Variants in ASAP2 observed in about 807,000 individuals in gnomAD.
The protein encoded by ASAP2 is arf-GAP with SH3 domain, ANK repeat and PH domain-containing protein 2.
In ASAP2, 45 loss-of-function variants were observed where a neutral mutation model predicts 131.4. The observed-to-expected ratio is 0.34, with a 90% CI of 0.27 to 0.44. ASAP2 has a LOEUF of 0.44. Ranked by LOEUF, ASAP2 falls within the 20% of genes least tolerant of loss-of-function variation. ASAP2 has a pLI of 1.00. For missense variants in ASAP2, 1,011 were observed against 1,297.0 expected (o/e 0.78, Z 3.39); for synonymous variants, 510 against 503.0 (o/e 1.01, Z -0.19).
intron 2 of ASAP2, among the ~76,000 whole-genome samples, chr2:9,280,528 A>G (rs1195418536): frequency 2.0e-5 from 3 of 152,186 alleles, no homozygotes; most frequent in Non-Finnish European, 4.4e-5. Flanking sequence ...CAAATTTAAC[A>G]GAAGACGCAC....
intron 1 of ASAP2, among the ~76,000 whole-genome samples, chr2:9,271,018 C>T (rs1176118958): frequency 1.3e-5 from 2 of 151,710 alleles, no homozygotes; most frequent in Non-Finnish European, 2.9e-5. Context: ...TAGTCTCGAT[C>T]TCGTGACCTC....
intron 3 of ASAP2, among the ~76,000 whole-genome samples, chr2:9,297,670 A>G (rs572852070): frequency 9.9e-5 from 15 of 152,258 alleles, no homozygotes; most frequent in Non-Finnish European, 1.8e-4. Flanking sequence ...TTAAATGTAC[A>G]CAGCTATGGG....
At position 9,346,703 on chromosome 2, in the gene ASAP2, A is replaced by G. The variant is rs192711852; in HGVS notation, c.1023+1903A>G. Among the ~76,000 whole-genome samples the G allele has an allele frequency of 2.6e-3, 391 of 152,334 alleles. 2 individuals are homozygous for G. Among genetic ancestry groups the G allele is most frequent in the African/African-American group, 9.1e-3 (378 of 41,568 alleles). On this transcript the variant is annotated intron_variant, in intron 11 of 27. Transcript: ENST00000281419. ...CTGTCATACAACTAAGTTCTAGTTC[A>G]TGCTTTTACAGCTCTGAAGTCAAGG... is the stretch of plus-strand genomic sequence containing the variant.
intron 1 of ASAP2, among the ~76,000 whole-genome samples, chr2:9,249,737 C>T (rs573815403): frequency 1.3e-5 from 2 of 149,180 alleles, no homozygotes; most frequent in African/African-American, 4.8e-5. Flanking sequence ...CAGGCATGCC[C>T]GGGCTGGCGG....
At chr2:9,219,040 T>A (rs1662244593) in intron 1 of ASAP2, among the ~76,000 whole-genome samples, 1 of 152,178 alleles carries the variant, frequency 6.6e-6, no homozygotes, top group Non-Finnish European at 1.5e-5. Context: ...CAGAGCAGTA[T>A]TTTTTGCAGT....
chr2:9,221,114 C>T (rs957143617), intron 1 of ASAP2, among the ~76,000 whole-genome samples: 8 of 150,806 alleles, frequency 5.3e-5, no homozygotes, highest in African/African-American at 1.7e-4. Context: ...GTTTTTTTTT[C>T]CCAAGATTGT....
chr2:9,250,584 G>A (rs1467326858), intron 1 of ASAP2, among the ~76,000 whole-genome samples: 1 of 108,484 alleles, frequency 9.2e-6, no homozygotes, highest in Non-Finnish European at 1.9e-5. Context: ...CAGGGCAAAT[G>A]CAGTGTGGTG....
intron 1 of ASAP2, among the ~76,000 whole-genome samples, chr2:9,254,254 T>TATATATATACAC (rs1553297027): frequency 7.6e-5 from 5 of 65,744 alleles, no homozygotes; most frequent in African/African-American, 2.2e-4. Flanking sequence ...TATATATATA[T>TATATATATACAC]ACACGTGTGT....
intron 18 of ASAP2, 24 bp from the exon 19 acceptor site, chr2:9,378,920 C>G (rs2148731496): frequency 7.1e-7 from 1 of 1,407,986 alleles, no homozygotes; most frequent in Non-Finnish European, 9.4e-7. Context: ...ACTATGCTCT[C>G]TCTCTGTTCC....
At chr2:9,262,892 C>A (rs948327918) in intron 1 of ASAP2, among the ~76,000 whole-genome samples, 1 of 152,198 alleles carries the variant, frequency 6.6e-6, no homozygotes, top group Non-Finnish European at 1.5e-5. Context: ...AAAGAAAACT[C>A]GGCTATCTTA....
At chr2:9,394,646 C>A (rs112710270) in intron 24 of ASAP2, among the ~76,000 whole-genome samples, 1 of 152,190 alleles carries the variant, frequency 6.6e-6, no homozygotes, top group African/African-American at 2.4e-5. Flanking sequence ...CACCACTTAT[C>A]TCTCTATTCC....
At chr2:9,367,955 T>C in intron 15 of ASAP2, among the ~76,000 whole-genome samples, 1 of 152,232 alleles carries the variant, frequency 6.6e-6, no homozygotes, top group East Asian at 1.9e-4. Flanking sequence ...GGAAACTGAC[T>C]TGCCTGTGGT....
intron 7 of ASAP2, 57 bp downstream of exon 7, chr2:9,327,968 G>T: frequency 7.6e-7 from 1 of 1,322,338 alleles, no homozygotes; most frequent in Non-Finnish European, 1.0e-6. Context: ...GCAACTTCTG[G>T]TAGATCTATA....
intron 6 of ASAP2, among the ~76,000 whole-genome samples, chr2:9,325,810 G>T (rs1261538047): frequency 6.6e-6 from 1 of 152,176 alleles, no homozygotes; most frequent in Non-Finnish European, 1.5e-5. Flanking sequence ...AGGTAGTGCT[G>T]GGTCCTGGCT....
intron 24 of ASAP2, among the ~76,000 whole-genome samples, chr2:9,396,058 A>T (rs969742103): frequency 2.0e-5 from 3 of 151,974 alleles, no homozygotes; most frequent in African/African-American, 4.8e-5. Flanking sequence ...TCCTGTCCTT[A>T]GTAGGTTGGG....
chr2:9,372,682 T>C (rs1194467787), intron 16 of ASAP2, among the ~76,000 whole-genome samples: 1 of 152,132 alleles, frequency 6.6e-6, no homozygotes, highest in Non-Finnish European at 1.5e-5. Flanking sequence ...ACCAGTAAGA[T>C]AATGATTCAC....
At chr2:9,335,033 T>C in intron 8 of ASAP2, 60 bp from the exon 9 acceptor site, 1 of 1,553,664 alleles carries the variant, frequency 6.4e-7, no homozygotes. Context: ...GCACCAACGT[T>C]TCACTGTACC....
intron 1 of ASAP2, among the ~76,000 whole-genome samples, chr2:9,248,057 G>A (rs550952986): frequency 7.2e-5 from 11 of 152,270 alleles, no homozygotes; most frequent in African/African-American, 9.6e-5. Flanking sequence ...AGCTGTCCTC[G>A]AGTCTGGGAC....
At chr2:9,265,898 G>A (rs776594599) in intron 1 of ASAP2, among the ~76,000 whole-genome samples, 3 of 152,036 alleles carry the variant, frequency 2.0e-5, no homozygotes, top group African/African-American at 4.8e-5. Flanking sequence ...TCAGCCTCCC[G>A]AGTAGCTGGG....
Sources: gnomAD v4.1 joint callset for allele counts (sites outside exome capture counted in the v4.1 genomes callset) on GRCh38, gnomAD v4.1.1 for gene constraint, MANE v1.5 for transcripts, NCBI Gene and HGNC (gene_info 2026-07-23, HGNC 2026-07-21) for gene names.